The following PDE4D variants were observed in gnomAD, a reference collection of about 807,000 sequenced individuals.
PDE4D encodes the protein phosphodiesterase 4D, also known as 3',5'-cyclic-AMP phosphodiesterase 4D.
In PDE4D, 24 loss-of-function variants were observed where a neutral mutation model predicts 87.4. The observed-to-expected ratio is 0.27, with a 90% CI of 0.20 to 0.39. The LOEUF (loss-of-function observed/expected upper bound fraction) is 0.39, where lower values mean the gene tolerates loss of function less well. Ranked by LOEUF, PDE4D falls within the 10% of genes least tolerant of loss-of-function variation. The pLI, the probability that PDE4D is intolerant of heterozygous loss-of-function variation, is 1.00. For missense variants in PDE4D, 714 were observed against 1,041.0 expected, an observed-to-expected ratio of 0.69 and a Z score of 4.32; for synonymous variants, 384 against 383.2, an observed-to-expected ratio of 1.00 and a Z score of -0.02.
chr5:59,406,019 C>T (rs960098115), intron 1 of PDE4D, among the ~76,000 whole-genome samples: 19 of 152,134 alleles, frequency 1.2e-4, no homozygotes, highest in Admixed American at 9.8e-4. Context: ...TGGTCTGTTT[C>T]GGTATGAGGG....
At chr5:60,336,088 G>A (rs931906872) in intron 1 of PDE4D, among the ~76,000 whole-genome samples, 5 of 152,136 alleles carry the variant, frequency 3.3e-5, no homozygotes, top group Admixed American at 6.5e-5. Context: ...CTACCACTCC[G>A]ACCAAACACT....
At chr5:59,892,086 G>T (rs1337982317) in intron 1 of PDE4D, among the ~76,000 whole-genome samples, 1 of 152,140 alleles carries the variant, frequency 6.6e-6, no homozygotes, top group Non-Finnish European at 1.5e-5. Flanking sequence ...CTGTGTGGGG[G>T]AGGGGATTCA....
intron 1 of PDE4D, among the ~76,000 whole-genome samples, chr5:59,677,626 T>C (rs372635213): frequency 2.0e-5 from 3 of 152,336 alleles, no homozygotes; most frequent in Non-Finnish European, 2.9e-5. Context: ...CAGTTCTATA[T>C]GCCTGTAAAA....
In PDE4D at chr5:60,337,353, ATATATATATATATATAT is replaced by A. The variant is rs1561133788; in HGVS notation, c.-90+150572_-90+150588del. Among the ~76,000 whole-genome samples the A allele has an allele frequency of 4.7e-3, 406 of 86,270 alleles. 18 individuals carry two copies. Among genetic ancestry groups the A allele is most frequent in the African/African-American group, 0.016 (369 of 23,548 alleles). The allele number at this position is 86,270 out of a possible 152,430, so 56.6% of individuals were successfully genotyped here. ...GTCTCAAAAAACAAACAAACAAACT[ATATATATATATATATAT>A]ATATATATATATATATATACACACA... On this transcript the variant is annotated intron_variant, in intron 1 of 16. Transcript: ENST00000502484.
At chr5:60,384,460 A>G (rs1762067774) in intron 1 of PDE4D, among the ~76,000 whole-genome samples, 1 of 152,074 alleles carries the variant, frequency 6.6e-6, no homozygotes, top group African/African-American at 2.4e-5. Flanking sequence ...AACAATGACC[A>G]CTCAACTTCC....
chr5:59,690,328 G>C (rs369273091), intron 1 of PDE4D, among the ~76,000 whole-genome samples: 1 of 152,114 alleles, frequency 6.6e-6, no homozygotes, highest in Admixed American at 6.6e-5. Flanking sequence ...ATACTACAAG[G>C]CTACAGTAAC....
intron 2 of PDE4D, among the ~76,000 whole-genome samples, chr5:60,050,164 A>G (rs1769932038): frequency 1.3e-5 from 2 of 152,166 alleles, no homozygotes; most frequent in Admixed American, 6.5e-5. Flanking sequence ...TGACTAGGAA[A>G]GGGAACTCCC....
In PDE4D at chr5:59,153,761, T is replaced by TG. The variant is rs879348803; in HGVS notation, c.808+26833_808+26834insC. ...TATACTGGTGGGCAGGGTTTTTTTT[T>TG]TTGTTGTTGTTGTTTTTTTTTAATA... On this transcript the variant is annotated intron_variant, in intron 5 of 14. Coordinates refer to ENST00000340635, the MANE Select transcript of PDE4D (RefSeq NM_001104631.2). Among the ~76,000 whole-genome samples the TG allele has an allele frequency of 7.8e-3, 1,180 of 151,332 alleles. 19 individuals carry two copies. The highest frequency in any genetic ancestry group is 0.041 in the East Asian group (211 of 5,146).
chr5:59,023,863 G>A (rs1349884129), intron 6 of PDE4D, among the ~76,000 whole-genome samples: 1 of 151,456 alleles, frequency 6.6e-6, no homozygotes, highest in Admixed American at 6.6e-5. Flanking sequence ...TTAAAAATAA[G>A]GCTAAATAGC....
chr5:59,424,708 C>T (rs908363206), intron 1 of PDE4D, among the ~76,000 whole-genome samples: 1 of 152,130 alleles, frequency 6.6e-6, no homozygotes, highest in Non-Finnish European at 1.5e-5. Context: ...GTCCCTCCCA[C>T]AGCATGTGGA....
chr5:59,684,294 GTAT>G (rs1418739456), intron 1 of PDE4D, among the ~76,000 whole-genome samples: 5 of 151,990 alleles, frequency 3.3e-5, no homozygotes, highest in African/African-American at 1.2e-4. Context: ...GTATTCTACA[GTAT>G]TATCTTTTCC....
intron 1 of PDE4D, among the ~76,000 whole-genome samples, chr5:59,879,060 G>A (rs539340011): frequency 7.9e-5 from 12 of 151,636 alleles, no homozygotes; most frequent in Non-Finnish European, 1.8e-4. Flanking sequence ...CACCACGCCC[G>A]GCTAATTTTG....
intron 1 of PDE4D, among the ~76,000 whole-genome samples, chr5:59,443,582 C>G (rs928368663): frequency 3.9e-5 from 6 of 152,122 alleles, no homozygotes; most frequent in Non-Finnish European, 8.8e-5. Flanking sequence ...AATATCATTG[C>G]TATTATTAAT....
At chr5:59,662,456 A>G (rs931614956) in intron 1 of PDE4D, among the ~76,000 whole-genome samples, 3 of 152,322 alleles carry the variant, frequency 2.0e-5, no homozygotes, top group African/African-American at 7.2e-5. Flanking sequence ...GTTTGTCAAA[A>G]CCATTTGAAT....
At position 59,095,000 on chromosome 5, in the gene PDE4D, GA is replaced by G. The variant is rs796852970; in HGVS notation, c.809-56030del. ...AAGATTGCCAGACTTCATGTTTCTG[GA>G]AAAAAAAAAGTACTATTTTTTCATA... On this transcript the variant is annotated intron_variant, in intron 5 of 14. Transcript: ENST00000340635. Among the ~76,000 whole-genome samples the G allele has an allele frequency of 1.6e-4, 24 of 147,104 alleles. No homozygotes were observed. The East Asian group carries it at 2.0e-3, about 12-fold the overall frequency.
intron 1 of PDE4D, among the ~76,000 whole-genome samples, chr5:60,370,725 C>A (rs1349164921): frequency 6.6e-6 from 1 of 151,856 alleles, no homozygotes; most frequent in Admixed American, 6.6e-5. Context: ...TTAGTCATTA[C>A]TAAAACAAGG....
At chr5:60,126,399 T>C (rs2149388675) in intron 2 of PDE4D, among the ~76,000 whole-genome samples, 1 of 152,312 alleles carries the variant, frequency 6.6e-6, no homozygotes. Flanking sequence ...GAAGATTACA[T>C]AGAAATTTTA....
intron 5 of PDE4D, among the ~76,000 whole-genome samples, chr5:59,123,615 C>G (rs943375363): frequency 6.6e-6 from 1 of 152,130 alleles, no homozygotes. Context: ...GTTCTTAATA[C>G]TAACATCAAA....
intron 1 of PDE4D, among the ~76,000 whole-genome samples, chr5:59,323,784 AT>A (rs55924752): frequency 0.068 from 10,269 of 150,014 alleles, 432 homozygotes; most frequent in South Asian, 0.12. Context: ...AGCCAAAGAC[AT>A]TTTTTTTTTG....
Sources: gnomAD v4.1 joint callset for allele counts (sites outside exome capture counted in the v4.1 genomes callset) on GRCh38, gnomAD v4.1.1 for gene constraint, MANE v1.5 for transcripts, NCBI Gene and HGNC (gene_info 2026-07-23, HGNC 2026-07-21) for gene names.